Variants in PKHD1 observed in about 807,000 individuals in gnomAD.
PKHD1 encodes fibrocystin.
Under a neutral mutation model 412.0 loss-of-function variants are expected in PKHD1, and 291 were observed. The observed-to-expected ratio is 0.71, with a 90% CI of 0.64 to 0.78. The LOEUF (loss-of-function observed/expected upper bound fraction) is 0.78. PKHD1 is among the 30% of genes least tolerant of loss of function. The probability of loss-of-function intolerance (pLI) is 0.00; values close to 1 mark genes in which losing one functional copy is unlikely to be tolerated. For synonymous variants in PKHD1, 1,777 were observed against 1,821.5 expected, an observed-to-expected ratio of 0.98 and a Z score of 0.62; for missense variants, 4,825 against 4,950.7, an observed-to-expected ratio of 0.97 and a Z score of 0.76.
At chr6:51,863,266 C>A (rs546119100) in intron 48 of PKHD1, among the ~76,000 whole-genome samples, 1 of 152,180 alleles carries the variant, frequency 6.6e-6, no homozygotes, top group South Asian at 2.1e-4. Context: ...TATGTCTTGA[C>A]TATTTTATGT....
chr6:51,774,115 C>T (rs1406475295), intron 54 of PKHD1, among the ~76,000 whole-genome samples: 11 of 151,858 alleles, frequency 7.2e-5, no homozygotes, highest in Non-Finnish European at 7.4e-5. Context: ...CAGTTCATGT[C>T]CTTAAATTTG....
intron 37 of PKHD1, among the ~76,000 whole-genome samples, chr6:51,916,175 T>C (rs1436952438): frequency 1.3e-5 from 2 of 152,192 alleles, no homozygotes; most frequent in Non-Finnish European, 2.9e-5. Flanking sequence ...ACTGGACGCA[T>C]AATTAACATT....
rs1231269184 is a variant in PKHD1, at chr6:51,941,699, C to G, written c.5909-7377G>C. Among the ~76,000 whole-genome samples the G allele has an allele frequency of 2.6e-5, 4 of 151,646 alleles. No homozygotes were observed. The East Asian group carries it at 5.8e-4, about 22-fold the overall frequency. On this transcript the variant is annotated intron_variant, in intron 36 of 66. Transcript: ENST00000371117. ...GCCTATCCACCCCGTGGTGCCAAAC[C>G]CATATACTCTCCTATCCTCAATACC...
rs76866777 is a variant in PKHD1, at chr6:52,070,135, A to G, written c.707+271T>C. Among the ~76,000 whole-genome samples the G allele has an allele frequency of 7.9e-5, 12 of 152,300 alleles. No homozygotes were observed. The East Asian group carries it at 2.3e-3, about 29-fold the overall frequency. ...AGATACTTGTGACAGTTTTCAACCT[A>G]CAGTACTTTGAAATTACTTAAGATT... On this transcript the variant is annotated intron_variant, in intron 10 of 66. Coordinates refer to ENST00000371117, the MANE Select transcript of PKHD1 (RefSeq NM_138694.4).
chr6:51,711,147 CCAAT>C (rs1006106105), intron 60 of PKHD1, among the ~76,000 whole-genome samples: 2 of 152,168 alleles, frequency 1.3e-5, no homozygotes, highest in Admixed American at 1.3e-4. Context: ...GATACTTTAA[CCAAT>C]CAGAGACAGG....
At chr6:52,026,428 C>A (rs746125908) in intron 31 of PKHD1, among the ~76,000 whole-genome samples, 1 of 152,184 alleles carries the variant, frequency 6.6e-6, no homozygotes, top group African/African-American at 2.4e-5. Context: ...TCAACACAAA[C>A]TTTTCAAGTA....
intron 52 of PKHD1, among the ~76,000 whole-genome samples, chr6:51,812,809 T>C (rs180841209): frequency 3.9e-4 from 59 of 152,276 alleles, no homozygotes; most frequent in African/African-American, 1.4e-3. Context: ...ATGTTTGCCA[T>C]CTATTACCTC....
chr6:51,989,516 C>A (rs1443098700), intron 35 of PKHD1, among the ~76,000 whole-genome samples: 1 of 152,080 alleles, frequency 6.6e-6, no homozygotes, highest in Non-Finnish European at 1.5e-5. Flanking sequence ...AAAGGAAGAC[C>A]AGAGAGTTAT....
rs755465556 is a variant in PKHD1 at position 52,046,112 on chromosome 6, G to T, written c.2484C>A (p.Tyr828Ter). 6.2e-7 allele frequency: 1 copy of T among 1,613,378 alleles called. No homozygotes were observed. Among genetic ancestry groups the T allele is most frequent in the Non-Finnish European group, 8.5e-7 (1 of 1,179,328 alleles). The stretch of plus-strand genomic sequence containing the variant: ...TCACAGTGAAGTCACTGGCATTGAG[G>T]TACCTGGATGTGAAGTCATCGGCAT... ...QNNADDFTSR[Y>*]LNASDFTVKE... Residue 828 changes from tyrosine (Y) to a stop codon, truncating the protein, a stop_gained, in exon 24 of 67, where the codon TAC (tyrosine) becomes TAA (stop). Transcript: ENST00000371117. LOFTEE classifies it high-confidence loss of function.
chr6:51,627,395 TATAATGTAC>T, intron 65 of PKHD1, among the ~76,000 whole-genome samples: 1 of 152,026 alleles, frequency 6.6e-6, no homozygotes, highest in Non-Finnish European at 1.5e-5. Flanking sequence ...GTATTGTAAG[TATAATGTAC>T]ACACTCAATT....
intron 63 of PKHD1, among the ~76,000 whole-genome samples, chr6:51,644,944 C>T (rs1338820445): frequency 6.6e-6 from 1 of 152,128 alleles, no homozygotes; most frequent in African/African-American, 2.4e-5. Context: ...TCCCAAAGTG[C>T]TGGCATTACA....
chr6:51,934,774 A>T lies in PKHD1; in HGVS notation c.5909-452T>A, dbSNP rs560576546. ...AACACTGTGGCATTTGTAGCATTTT[A>T]GCTGACCAGCATCCATTATACTTTC... On this transcript the variant is annotated intron_variant, in intron 36 of 66. Coordinates refer to ENST00000371117, the MANE Select transcript of PKHD1 (RefSeq NM_138694.4). Among the ~76,000 whole-genome samples the T allele has an allele frequency of 8.6e-5, 13 of 151,970 alleles. No individual in the cohort carries two copies. In the East Asian group the frequency reaches 2.5e-3, roughly 29 times the overall value.
rs776570716 is a variant in PKHD1, at chr6:52,054,154, T to A, written c.1848A>T (p.Ala616=). ...RLDQYTHLCL[A]YKGHMNKILK... ...GGATCTTGTTCATGTGGCCTTTGTA[T>A]GCAAGACACAGCTATGGACACCAAA... Residue 616 remains alanine (A), a synonymous_variant, in exon 20 of 67, where the codon GCA becomes GCT. Coordinates refer to ENST00000371117, the MANE Select transcript of PKHD1 (RefSeq NM_138694.4). The A allele has an allele frequency of 1.4e-4, 227 of 1,613,930 alleles. No individual in the cohort carries two copies. Among genetic ancestry groups the A allele is most frequent in the Non-Finnish European group, 1.7e-4 (202 of 1,179,896 alleles).
chr6:51,657,486 TA>T (rs1772070894), intron 61 of PKHD1, among the ~76,000 whole-genome samples: 2 of 152,100 alleles, frequency 1.3e-5, no homozygotes, highest in African/African-American at 4.8e-5. Flanking sequence ...AAATGTCTTT[TA>T]AAATGCTAAA....
At chr6:52,046,368 T>G (rs1272636839) in intron 23 of PKHD1, among the ~76,000 whole-genome samples, 180 bp from the exon 24 acceptor site, 1 of 152,156 alleles carries the variant, frequency 6.6e-6, no homozygotes, top group Non-Finnish European at 1.5e-5. Flanking sequence ...TTTCCTAAGG[T>G]AAAGACAAGT....
Position 51,659,548 on chromosome 6 carries a change from C to G in PKHD1, c.10578G>C (p.Leu3526Phe). 1 of 1,613,664 alleles carries G rather than the reference C, an allele frequency of 6.2e-7. No homozygotes were observed. Among genetic ancestry groups the G allele is most frequent in the East Asian group, 2.2e-5 (1 of 44,832 alleles). The change falls in exon 61 of 67, where the codon TTG becomes TTC. Residue 3526 changes from leucine (L) to phenylalanine (F), a missense_variant. Physicochemically the swap from Leu to Phe is conservative, Grantham distance 22. Coordinates refer to ENST00000371117, the MANE Select transcript of PKHD1 (RefSeq NM_138694.4). Reference sequence around the variant, plus strand: ...AGTTGGCACCAATAGATTCATTCAGCAATAAGGAAGCTGACTGAACCAGAG... The same window carrying G: ...AGTTGGCACCAATAGATTCATTCAGGAATAAGGAAGCTGACTGAACCAGAG... The part of the protein sequence containing the change: ...PPTLVQSASL[L>F]LNESIGANYF...
intron 37 of PKHD1, among the ~76,000 whole-genome samples, chr6:51,918,353 C>A (rs114883863): frequency 6.6e-6 from 1 of 152,060 alleles, no homozygotes; most frequent in Non-Finnish European, 1.5e-5. Flanking sequence ...CCCCTTGCCC[C>A]CCACCCACTA....
At chr6:51,796,809 T>C (rs1251502335) in intron 52 of PKHD1, among the ~76,000 whole-genome samples, 1 of 141,788 alleles carries the variant, frequency 7.1e-6, no homozygotes, top group South Asian at 2.3e-4. Context: ...TTGTGTGGTT[T>C]TGAATAGATT....
At chr6:52,087,191 G>A (rs1420070165) in intron 1 of PKHD1, among the ~76,000 whole-genome samples, 1 of 152,032 alleles carries the variant, frequency 6.6e-6, no homozygotes, top group African/African-American at 2.4e-5. Context: ...AACCACAGAG[G>A]AGAGCTGTGT....
Sources: allele counts gnomAD v4.1 joint callset (sites outside exome capture counted in the v4.1 genomes callset), GRCh38; gene constraint gnomAD v4.1.1; transcripts MANE v1.5; gene names NCBI Gene and HGNC (gene_info 2026-07-23, HGNC 2026-07-21).